The following ADAM32 variants were observed in gnomAD, a reference collection of about 807,000 sequenced individuals.
ADAM32 encodes ADAM metallopeptidase domain 32.
A neutral mutation model predicts 114.9 loss-of-function variants in ADAM32; 89 were observed. The observed-to-expected ratio is 0.77, with a 90% CI of 0.65 to 0.92. ADAM32 has a LOEUF of 0.92. Among genes scored for constraint, ADAM32 ranks in the 40% least tolerant of loss-of-function variants. ADAM32 has a pLI of 0.00. For missense variants in ADAM32, 870 were observed against 932.8 expected, an observed-to-expected ratio of 0.93 and a Z score of 0.88; for synonymous variants, 285 against 307.5, an observed-to-expected ratio of 0.93 and a Z score of 0.77.
At chr8:39,168,646 C>T (rs1205439611) in intron 9 of ADAM32, 1 of 152,136 alleles carries the variant, frequency 6.6e-6, no homozygotes, top group African/African-American at 2.4e-5. Flanking sequence ...TAGAAGGTCT[C>T]TTCCACCCCC....
At chr8:39,222,991 A>C (rs752693783) in intron 13 of ADAM32, 49 bp from the exon 14 acceptor site, 1 of 1,438,096 alleles carries the variant, frequency 7.0e-7, no homozygotes, top group Non-Finnish European at 9.3e-7. Context: ...ATTAACAAAC[A>C]GTAATCCTAT....
chr8:39,118,129 C>G lies in ADAM32; in HGVS notation c.102C>G (p.Ile34Met), dbSNP rs1050018768. Residue 34 changes from isoleucine to methionine, a missense_variant, in exon 2 of 25, where the codon ATC becomes ATG. Transcript: ENST00000379907. ...SLLQIVIPEK[I>M]QTNTNDSSEI... ...TACAGATCGTAATTCCAGAGAAAAT[C>G]CAAACAAATACAAATGACAGTTCAG... The G allele has an allele frequency of 1.3e-6, 2 of 1,488,674 alleles. No individual in the cohort carries two copies. The highest frequency in any genetic ancestry group is 2.9e-5 in the African/African-American group (2 of 69,258). 92.2% of individuals were successfully genotyped at this position (1,488,674 alleles called of 1,614,324 possible). A position where few individuals can be genotyped will look rare whatever the true frequency, so the allele number is the denominator to read the frequency against.
chr8:39,183,115 A>G (rs1806009360), intron 10 of ADAM32, among the ~76,000 whole-genome samples: 2 of 152,118 alleles, frequency 1.3e-5, no homozygotes, highest in Non-Finnish European at 2.9e-5. Flanking sequence ...GCTAGGCAGT[A>G]TTTTTGTATG....
chr8:39,247,186 C>T (rs1214330122), intron 17 of ADAM32, among the ~76,000 whole-genome samples: 1 of 152,134 alleles, frequency 6.6e-6, no homozygotes, highest in Non-Finnish European at 1.5e-5. Flanking sequence ...TTTGTGTGGA[C>T]ATAAATTTTC....
chr8:39,218,561 A>T (rs369096029), intron 12 of ADAM32, among the ~76,000 whole-genome samples: 1 of 152,168 alleles, frequency 6.6e-6, no homozygotes, highest in Non-Finnish European at 1.5e-5. Flanking sequence ...ACTGTGGCTG[A>T]TCTGGCATTC....
intron 9 of ADAM32, 193 bp downstream of exon 9, chr8:39,165,389 A>G: frequency 2.2e-6 from 1 of 463,766 alleles, no homozygotes; most frequent in Non-Finnish European, 3.6e-6. Context: ...TTTCTATGCT[A>G]ATAAAGCTTT....
chr8:39,223,097 GA>G lies in ADAM32; in HGVS notation c.1388del (p.Asn463IlefsTer13). 6.3e-7 allele frequency: 1 copy of G among 1,593,056 alleles called. No homozygotes were observed. The highest frequency in any genetic ancestry group is 8.5e-7 in the Non-Finnish European group (1 of 1,170,568). ...AGCACATCCTGAATGTGACATCGCT[GA>G]AAATTGTAATGGAACCTCACCAGAA... ...PKAHPECDIA[E>X]NCNGTSPECG... On this transcript the variant is annotated frameshift_variant, in exon 14 of 25. Transcript: ENST00000379907. LOFTEE classifies it high-confidence loss of function.
intron 22 of ADAM32, 141 bp downstream of exon 22, chr8:39,276,007 A>G: frequency 1.5e-6 from 1 of 646,174 alleles, no homozygotes; most frequent in Non-Finnish European, 2.4e-6. Flanking sequence ...AAAACAACCT[A>G]TTTGCTGATC....
At chr8:39,205,140 A>T (rs1374766968) in intron 11 of ADAM32, among the ~76,000 whole-genome samples, 1 of 151,932 alleles carries the variant, frequency 6.6e-6, no homozygotes, top group East Asian at 1.9e-4. Flanking sequence ...GAGAACTACT[A>T]CTCTCTCCAA....
intron 20 of ADAM32, 138 bp downstream of exon 20, chr8:39,271,052 T>A: frequency 2.9e-6 from 2 of 689,162 alleles, no homozygotes; most frequent in Middle Eastern, 2.7e-4. Context: ...TAATATATAG[T>A]CTAATTTAGT....
chr8:39,264,141 A>G (rs1812210629), intron 19 of ADAM32, among the ~76,000 whole-genome samples: 1 of 152,052 alleles, frequency 6.6e-6, no homozygotes, highest in African/African-American at 2.4e-5. Flanking sequence ...ATTTAGGTTC[A>G]GGGGGTACAT....
In ADAM32 at chr8:39,120,927, G is replaced by T. The variant is rs1022740358; in HGVS notation, c.138+2762G>T. On this transcript the variant is annotated intron_variant, in intron 2 of 24. Coordinates refer to ENST00000379907, the MANE Select transcript of ADAM32 (RefSeq NM_145004.7). ...TAGAAATTGTGGGGGAAAACCTTGG[G>T]TATTTAGCTGGGGAGATTTCTAAGC... Among the ~76,000 whole-genome samples the T allele has an allele frequency of 2.6e-5, 4 of 152,192 alleles. No individual in the cohort carries two copies. The East Asian group carries it at 7.7e-4, about 29-fold the overall frequency.
At chr8:39,145,304 A>G (rs983525408) in intron 3 of ADAM32, among the ~76,000 whole-genome samples, 5 of 152,210 alleles carry the variant, frequency 3.3e-5, no homozygotes, top group Non-Finnish European at 5.9e-5. Flanking sequence ...GTAAATTCCT[A>G]TGGAACCCCA....
intron 10 of ADAM32, among the ~76,000 whole-genome samples, chr8:39,180,826 C>A (rs958102776): frequency 2.6e-5 from 4 of 152,178 alleles, no homozygotes; most frequent in Middle Eastern, 3.4e-3. Flanking sequence ...CACTCTGTAT[C>A]TAGCTCAAGG....
At chr8:39,191,782 T>A (rs576905523) in intron 11 of ADAM32, among the ~76,000 whole-genome samples, 20 of 152,308 alleles carry the variant, frequency 1.3e-4, no homozygotes, top group Non-Finnish European at 2.5e-4. Flanking sequence ...GTTTTTGTTT[T>A]TGTTGTAATT....
chr8:39,147,251 A>T (rs1389892891), intron 4 of ADAM32, 46 bp downstream of exon 4: 1 of 804,902 alleles, frequency 1.2e-6, no homozygotes, highest in African/African-American at 1.8e-5. Context: ...AAATTTTTTT[A>T]CATTAAATAA....
In ADAM32 at chr8:39,157,813, G is replaced by C. The variant is rs984367103; in HGVS notation, c.526-3084G>C. 4 of 1,010,590 alleles carry C rather than the reference G, an allele frequency of 4.0e-6. No individual in the cohort carries two copies. The East Asian group carries it at 1.1e-4, about 28-fold the overall frequency. The allele number at this position is 1,010,590 out of a possible 1,614,324, so 62.6% of individuals were successfully genotyped here. A position where few individuals can be genotyped will look rare whatever the true frequency, so the allele number is the denominator to read the frequency against. On this transcript the variant is annotated intron_variant, in intron 6 of 24. Coordinates refer to ENST00000379907, the MANE Select transcript of ADAM32 (RefSeq NM_145004.7). ...ACCCAGAGGGTTGATGCTCTTGTCA[G>C]GTTATAGTCAGTGGAGGCACTGATC...
At chr8:39,249,815 A>T (rs909764185) in intron 17 of ADAM32, among the ~76,000 whole-genome samples, 1 of 152,102 alleles carries the variant, frequency 6.6e-6, no homozygotes, top group African/African-American at 2.4e-5. Flanking sequence ...CTGGTGATAT[A>T]TACTCTCAAT....
At chr8:39,243,812 A>C (rs908479004) in intron 16 of ADAM32, among the ~76,000 whole-genome samples, 3 of 151,420 alleles carry the variant, frequency 2.0e-5, no homozygotes, top group Non-Finnish European at 4.4e-5. Context: ...AGAAAGAAAG[A>C]GTATTCAAAT....
Sources: allele counts gnomAD v4.1 joint callset (sites outside exome capture counted in the v4.1 genomes callset), GRCh38; gene constraint gnomAD v4.1.1; transcripts MANE v1.5; gene names NCBI Gene and HGNC (gene_info 2026-07-23, HGNC 2026-07-21).